RAPGEF3: variants seen among roughly 807,000 people sequenced by gnomAD.
The protein encoded by RAPGEF3 is Rap guanine nucleotide exchange factor 3, also known as 9330170P05Rik.
Under a neutral mutation model 129.8 loss-of-function variants are expected in RAPGEF3, and 103 were observed. The ratio of observed to expected loss-of-function variants is 0.79; its 90% confidence interval spans 0.68 to 0.93. The LOEUF is 0.93. Among genes scored for constraint, RAPGEF3 ranks in the 40% least tolerant of loss-of-function variants. The probability of loss-of-function intolerance (pLI) is 0.00; values close to 1 mark genes in which losing one functional copy is unlikely to be tolerated. For missense variants in RAPGEF3, 1,117 were observed against 1,207.4 expected (o/e 0.93, Z 1.11); for synonymous variants, 436 against 482.6 (o/e 0.90, Z 1.26).
intron 19 of RAPGEF3, 51 bp from the exon 20 acceptor site, chr12:47,741,091 C>A: frequency 6.3e-7 from 1 of 1,591,116 alleles, no homozygotes; most frequent in Non-Finnish European, 8.6e-7. Flanking sequence ...CAGGGAAAGG[C>A]ACAGGGTAGG....
chr12:47,757,767 A>C, intron 2 of RAPGEF3, 99 bp downstream of exon 2: 1 of 1,211,464 alleles, frequency 8.3e-7, no homozygotes, highest in Non-Finnish European at 1.1e-6. Flanking sequence ...GTACACCCCC[A>C]GAGCAAGCTG....
At chr12:47,752,035 C>A (rs1264200602) in intron 2 of RAPGEF3, 66 bp from the exon 3 acceptor site, 1 of 1,539,714 alleles carries the variant, frequency 6.5e-7, no homozygotes, top group African/African-American at 1.4e-5. Context: ...TGGATACCTC[C>A]CCTCCCCCAT....
chr12:47,750,973 G>A, intron 6 of RAPGEF3, 75 bp downstream of exon 6: 1 of 1,539,988 alleles, frequency 6.5e-7, no homozygotes, highest in Non-Finnish European at 8.8e-7. Context: ...TGCCCCCAGA[G>A]ATCAATCTGA....
In RAPGEF3 at chr12:47,758,662, T is replaced by A. The variant is rs1024567871; in HGVS notation, c.-106A>T. 3.2e-6 allele frequency: 5 copies of A among 1,574,114 alleles called. No individual in the cohort carries two copies. The African/African-American group carries it at 4.1e-5, about 13-fold the overall frequency. ...AGGGGATCCGGAGGGTGCCAGTGGG[T>A]AAGTCCAGGTACAGTGAACTGGGCC... is the stretch of plus-strand genomic sequence containing the variant. On this transcript the variant is annotated 5_prime_UTR_variant, in exon 1 of 28. Transcript: ENST00000449771.
At chr12:47,738,945 G>A in intron 24 of RAPGEF3, 191 bp from the exon 25 acceptor site, 2 of 689,326 alleles carry the variant, frequency 2.9e-6, no homozygotes, top group Non-Finnish European at 2.5e-6. Context: ...TTGTCTGGAT[G>A]TCTTCATTCT....
In RAPGEF3 at chr12:47,747,756, C is replaced by CA. The variant is rs755307320; in HGVS notation, c.1428dup (p.Gly477TrpfsTer7). On this transcript the variant is annotated frameshift_variant, in exon 14 of 28. Coordinates refer to ENST00000449771, the MANE Select transcript of RAPGEF3 (RefSeq NM_001098531.4). LOFTEE classifies it high-confidence loss of function. ...ACAGGGTCAGTGTGGAGCATGGAGC[C>CA]ATACAGGGCCACCCACTGGCTGACC... The CA allele has an allele frequency of 1.2e-6, 2 of 1,609,164 alleles. No homozygotes were observed. The highest frequency in any genetic ancestry group is 2.7e-5 in the African/African-American group (2 of 74,942).
Position 47,757,985 on chromosome 12 carries a change from C to A in RAPGEF3, c.100G>T (p.Val34Leu), listed in dbSNP as rs746823313. 1 of 1,569,982 alleles carries A rather than the reference C, an allele frequency of 6.4e-7. No homozygotes were observed. Among genetic ancestry groups the A allele is most frequent in the South Asian group, 1.2e-5 (1 of 85,486 alleles). Residue 34 changes from valine (V) to leucine (L), a missense_variant, in exon 2 of 28, where the codon GTG (valine) becomes TTG (leucine). By Grantham distance (32) the Val-to-Leu change is conservative. Coordinates refer to ENST00000449771, the MANE Select transcript of RAPGEF3 (RefSeq NM_001098531.4). ...GAPRVGALPD[V>L]VPEGTLLNMV... ...TTGAGTAGTGTCCCCTCCGGCACCA[C>A]GTCAGGGAGGGCTCCCACCCGCGGT...
chr12:47,735,384 A>G lies in RAPGEF3; in HGVS notation c.*2183T>C, dbSNP rs1056401943. The G allele has an allele frequency of 1.3e-5, 2 of 152,192 alleles. No homozygotes were observed. Among genetic ancestry groups the G allele is most frequent in the Non-Finnish European group, 2.9e-5 (2 of 68,074 alleles). 9.4% of individuals were successfully genotyped at this position (152,192 alleles called of 1,614,324 possible). A position where few individuals can be genotyped will look rare whatever the true frequency, so the allele number is the denominator to read the frequency against. ...AGTCAGGGAGACAGAAGGCAGCACA[A>G]ACTCCCAGCATGGGGCCACCGTAAC... On this transcript the variant is annotated 3_prime_UTR_variant, in exon 28 of 28. Coordinates refer to ENST00000449771, the MANE Select transcript of RAPGEF3 (RefSeq NM_001098531.4).
chr12:47,746,809 G>A (rs775639529), intron 16 of RAPGEF3, 51 bp downstream of exon 16: 1 of 1,541,494 alleles, frequency 6.5e-7, no homozygotes, highest in Non-Finnish European at 8.8e-7. Context: ...GCGAAGGAGG[G>A]GCCTGCAGTC....
At chr12:47,738,952 T>TG in intron 24 of RAPGEF3, 191 bp downstream of exon 24, 1 of 687,932 alleles carries the variant, frequency 1.5e-6, no homozygotes. Context: ...GATGTCTTCA[T>TG]TCTTCCAGTC....
rs754654607 is a variant in RAPGEF3, at chr12:47,751,518, T to C, written c.383A>G (p.Gln128Arg). ...CACCAGCTCCCGGCCAGAGCAGCACTGCCTATGGAAGGTAGAAGGGGACAG... is the reference window on the plus strand; with the variant it reads ...CACCAGCTCCCGGCCAGAGCAGCACCGCCTATGGAAGGTAGAAGGGGACAG... ...DRKYHLRLYR[Q>R]CCSGRELVDG... Residue 128 changes from glutamine to arginine, a missense_variant and splice_region_variant, in exon 5 of 28, where the codon CAG becomes CGG. Coordinates refer to ENST00000449771, the MANE Select transcript of RAPGEF3 (RefSeq NM_001098531.4). 1.2e-6 allele frequency: 2 copies of C among 1,614,168 alleles called. No homozygotes were observed. Among genetic ancestry groups the C allele is most frequent in the East Asian group, 2.2e-5 (1 of 44,882 alleles).
chr12:47,750,428 G>A lies in RAPGEF3; in HGVS notation c.672-3C>T, dbSNP rs777912604. 1 of 1,612,202 alleles carries A rather than the reference G, an allele frequency of 6.2e-7. No homozygotes were observed. The highest frequency in any genetic ancestry group is 1.1e-5 in the South Asian group (1 of 90,836). On this transcript the variant is annotated splice_region_variant and splice_polypyrimidine_tract_variant and intron_variant, in intron 6 of 27. Transcript: ENST00000449771. ...CTTCATCCGTGCGCTGACCTGGGCT[G>A]CAGGGACAGGAGGAATGGGAGCACA...
rs948509128 is a variant in RAPGEF3 at position 47,748,816 on chromosome 12, T to C, written c.1154+3A>G. The C allele has an allele frequency of 1.3e-6, 2 of 1,584,016 alleles. No individual in the cohort carries two copies. The highest frequency in any genetic ancestry group is 2.7e-5 in the African/African-American group (2 of 74,322). On this transcript the variant is annotated splice_donor_region_variant and intron_variant, in intron 11 of 27. Transcript: ENST00000449771. Reference sequence around the variant, plus strand: ...TGGAGAGGGAGCATGGCAGGTGTATTACCGGTTCCTGCCTGGGGTTGGGGG... The same window carrying C: ...TGGAGAGGGAGCATGGCAGGTGTATCACCGGTTCCTGCCTGGGGTTGGGGG...
intron 16 of RAPGEF3, chr12:47,744,849 T>C (rs1941341352): frequency 6.6e-6 from 1 of 152,286 alleles, no homozygotes; most frequent in East Asian, 1.9e-4. Context: ...CCCTGCAGAG[T>C]TCCTTACTGC....
Position 47,758,269 on chromosome 12 carries a change from T to G in RAPGEF3, c.7-191A>C, listed in dbSNP as rs1942221840. 3.5e-6 allele frequency: 5 copies of G among 1,431,788 alleles called. No homozygotes were observed. In the African/African-American group the frequency reaches 5.7e-5, roughly 16 times the overall value. The allele number at this position is 1,431,788 out of a possible 1,614,324, so 88.7% of individuals were successfully genotyped here. A position where few individuals can be genotyped will look rare whatever the true frequency, so the allele number is the denominator to read the frequency against. On this transcript the variant is annotated intron_variant, in intron 1 of 27. Coordinates refer to ENST00000449771, the MANE Select transcript of RAPGEF3 (RefSeq NM_001098531.4). ...CTGGGGCCTGCCGGTCTGGCGCACTTAGGGGTCTCCAGCTGGCTCTTGGAA... is the reference window on the plus strand; with the variant it reads ...CTGGGGCCTGCCGGTCTGGCGCACTGAGGGGTCTCCAGCTGGCTCTTGGAA...
In RAPGEF3 at chr12:47,741,420, T is replaced by C. The variant is rs375228950; in HGVS notation, c.1923+85A>G. ...AGAGCCAGGCCCCTCCTCCCTCTTCTCCCTGGGACCCTCCCCAGAATCCAC... is the reference window on the plus strand; with the variant it reads ...AGAGCCAGGCCCCTCCTCCCTCTTCCCCCTGGGACCCTCCCCAGAATCCAC... On this transcript the variant is annotated intron_variant, in intron 19 of 27. Coordinates refer to ENST00000449771, the MANE Select transcript of RAPGEF3 (RefSeq NM_001098531.4). 3.4e-4 allele frequency: 450 copies of C among 1,333,220 alleles called. 4 individuals are homozygous for C. The African/African-American group carries it at 5.5e-3, about 16-fold the overall frequency. The allele number at this position is 1,333,220 out of a possible 1,614,324, so 82.6% of individuals were successfully genotyped here.
intron 23 of RAPGEF3, 120 bp downstream of exon 23, chr12:47,740,021 T>C (rs1941045662): frequency 7.7e-7 from 1 of 1,296,892 alleles, no homozygotes; most frequent in African/African-American, 1.5e-5. Flanking sequence ...TTGGGAACCC[T>C]GAAAGTGACA....
intron 16 of RAPGEF3, chr12:47,744,333 G>A: frequency 2.0e-6 from 1 of 489,272 alleles, no homozygotes; most frequent in South Asian, 2.7e-5. Flanking sequence ...GATAGGTCCA[G>A]AGCAGTTCTA....
intron 25 of RAPGEF3, 52 bp from the exon 26 acceptor site, chr12:47,738,299 T>G: frequency 6.2e-7 from 1 of 1,604,328 alleles, no homozygotes; most frequent in Non-Finnish European, 8.5e-7. Flanking sequence ...AACCCTGTCC[T>G]GCCCTGTGCA....
Sources: allele counts gnomAD v4.1 joint callset, GRCh38; gene constraint gnomAD v4.1.1; transcripts MANE v1.5; gene names NCBI Gene and HGNC (gene_info 2026-07-23, HGNC 2026-07-21).